SORBS2: variants seen among roughly 807,000 people sequenced by gnomAD.
SORBS2 encodes sorbin and SH3 domain-containing protein 2.
A neutral mutation model predicts 97.7 loss-of-function variants in SORBS2; 46 were observed. The observed-to-expected ratio is 0.47, with a 90% CI of 0.37 to 0.60. SORBS2 has a LOEUF of 0.60. Among genes scored for constraint, SORBS2 ranks in the 20% least tolerant of loss-of-function variants. The probability of loss-of-function intolerance (pLI) is 0.00; values close to 1 mark genes in which losing one functional copy is unlikely to be tolerated. For synonymous variants in SORBS2, 476 were observed against 473.4 expected (o/e 1.01, Z -0.07); for missense variants, 1,316 against 1,282.3 (o/e 1.03, Z -0.40).
chr4:185,623,460 G>A lies in SORBS2; in HGVS notation c.1669C>T (p.Leu557Phe), dbSNP rs746732512. The A allele has an allele frequency of 3.1e-6, 5 of 1,612,594 alleles. No individual in the cohort carries two copies. The South Asian group carries it at 5.5e-5, about 18-fold the overall frequency. Residue 557 changes from leucine (L) to phenylalanine (F), a missense_variant, in exon 7 of 15, where the codon CTC becomes TTC. Coordinates refer to ENST00000418609, the Ensembl canonical transcript of SORBS2. This position sits in a 1 kb window ranked among gnomAD's most constrained non-coding sequence, Gnocchi z 6.4. ...CACCTGCCTTTGCAGGAGCTGATGA[G>A]GTGGCGGTGGTGGTGGTGGTGGTGA...
At chr4:185,815,643 A>T (rs2099192862) in intron 1 of SORBS2, among the ~76,000 whole-genome samples, 1 of 152,082 alleles carries the variant, frequency 6.6e-6, no homozygotes, top group South Asian at 2.1e-4. Context: ...CTCTAATAGT[A>T]TACGCACACA....
At chr4:185,672,368 C>T (rs2097725829) in intron 4 of SORBS2, among the ~76,000 whole-genome samples, 1 of 152,226 alleles carries the variant, frequency 6.6e-6, no homozygotes. Flanking sequence ...GCTTATCTTC[C>T]TGAAGCAAGG....
intron 1 of SORBS2, among the ~76,000 whole-genome samples, chr4:185,925,041 C>G (rs550282157): frequency 1.7e-4 from 26 of 152,266 alleles, no homozygotes; most frequent in Non-Finnish European, 3.2e-4. Flanking sequence ...CATATTCAAG[C>G]CAAAAAGTTG....
At chr4:185,864,993 GGACAGCA>G (rs1272903346) in intron 1 of SORBS2, among the ~76,000 whole-genome samples, 3 of 152,072 alleles carry the variant, frequency 2.0e-5, no homozygotes, top group Admixed American at 2.0e-4. Context: ...CGGGAGGGGC[GGACAGCA>G]GAAGAGGAGG....
chr4:185,724,139 A>C (rs775009985), intron 2 of SORBS2, among the ~76,000 whole-genome samples: 1 of 152,196 alleles, frequency 6.6e-6, no homozygotes, highest in Non-Finnish European at 1.5e-5. Context: ...CAATAAAAGA[A>C]GCTTAGTATG....
chr4:185,885,199 C>G (rs1031989360), intron 1 of SORBS2, among the ~76,000 whole-genome samples: 3 of 152,292 alleles, frequency 2.0e-5, no homozygotes, highest in Non-Finnish European at 4.4e-5. Flanking sequence ...CTTTGTAGCC[C>G]TCTGATGGCT....
Position 185,623,045 on chromosome 4 carries a change from G to C in SORBS2, c.2084C>G (p.Pro695Arg). ...TGGACAATGAATAGCACCATCGGGA[G>C]GCAGTGGGTGGAGAGGCTGGTGCAG... is the stretch of plus-strand genomic sequence containing the variant. Residue 695 changes from proline to arginine, a missense_variant, in exon 7 of 15, where the codon CCT becomes CGT. Transcript: ENST00000418609. This position sits in a 1 kb window ranked among gnomAD's most constrained non-coding sequence, Gnocchi z 6.4. 6.2e-7 allele frequency: 1 copy of C among 1,614,218 alleles called. No individual in the cohort carries two copies. Among genetic ancestry groups the C allele is most frequent in the Non-Finnish European group, 8.5e-7 (1 of 1,180,042 alleles).
chr4:185,682,035 A>G (rs2097877650), intron 2 of SORBS2, among the ~76,000 whole-genome samples: 1 of 152,232 alleles, frequency 6.6e-6, no homozygotes, highest in Non-Finnish European at 1.5e-5. Context: ...ATTCAGGTCA[A>G]CTAATTGAGT....
At chr4:185,823,888 C>T (rs531868167) in intron 1 of SORBS2, among the ~76,000 whole-genome samples, 1 of 152,236 alleles carries the variant, frequency 6.6e-6, no homozygotes, top group African/African-American at 2.4e-5. Flanking sequence ...AGCAGAGAAG[C>T]CCGCTGATTG....
intron 1 of SORBS2, chr4:185,656,552 A>G: frequency 8.0e-7 from 1 of 1,249,842 alleles, no homozygotes; most frequent in Non-Finnish European, 1.1e-6. Flanking sequence ...CCCCAGCTTT[A>G]CATGGGTCTT....
At chr4:185,854,567 A>G (rs1332014508) in intron 1 of SORBS2, among the ~76,000 whole-genome samples, 1 of 152,216 alleles carries the variant, frequency 6.6e-6, no homozygotes, top group South Asian at 2.1e-4. Context: ...TTGTCAAAAG[A>G]TGACAAAGCG....
chr4:185,901,263 GCA>G (rs2099247597), intron 1 of SORBS2, among the ~76,000 whole-genome samples: 1 of 152,010 alleles, frequency 6.6e-6, no homozygotes, highest in Non-Finnish European at 1.5e-5. Context: ...GAGTGCAATG[GCA>G]CAATCTCGGC....
chr4:185,729,977 G>A (rs1213986723), intron 2 of SORBS2, among the ~76,000 whole-genome samples: 3 of 151,760 alleles, frequency 2.0e-5, no homozygotes, highest in East Asian at 3.9e-4. Flanking sequence ...TTTTGAGATG[G>A]AGTCTTGCTC....
intron 1 of SORBS2, among the ~76,000 whole-genome samples, chr4:185,929,163 C>A (rs1197571076): frequency 6.6e-6 from 1 of 152,204 alleles, no homozygotes; most frequent in Non-Finnish European, 1.5e-5. Context: ...ACACAAGAAT[C>A]CTATGACGAG....
intron 2 of SORBS2, among the ~76,000 whole-genome samples, chr4:185,760,698 G>A (rs1263874242): frequency 2.0e-5 from 3 of 152,220 alleles, no homozygotes; most frequent in Admixed American, 6.5e-5. Flanking sequence ...AAAAAAGCTC[G>A]GCTGCCTTTC....
intron 1 of SORBS2, among the ~76,000 whole-genome samples, chr4:185,938,644 G>A (rs57364954): frequency 0.15 from 22,452 of 151,072 alleles, 2,308 homozygotes; most frequent in East Asian, 0.57. Flanking sequence ...ACTTATCCTA[G>A]TATCTACACT....
chr4:185,697,632 T>G (rs534967244), intron 2 of SORBS2, among the ~76,000 whole-genome samples: 2 of 152,306 alleles, frequency 1.3e-5, no homozygotes, highest in African/African-American at 4.8e-5. Flanking sequence ...TCTTTCCCTT[T>G]GACAGCTGAT....
At chr4:185,827,672 C>T (rs201345283) in intron 1 of SORBS2, among the ~76,000 whole-genome samples, 1 of 342 alleles carries the variant, frequency 2.9e-3, no homozygotes, top group Non-Finnish European at 6.3e-3. Context: ...ATCATCACCA[C>T]CATCATCATC....
chr4:185,821,283 C>T (rs996948582), intron 1 of SORBS2, among the ~76,000 whole-genome samples: 3 of 152,096 alleles, frequency 2.0e-5, no homozygotes, highest in African/African-American at 7.2e-5. Context: ...TGGAGTGGCA[C>T]AGAAGCCTGT....
Sources: allele counts gnomAD v4.1 joint callset (sites outside exome capture counted in the v4.1 genomes callset), GRCh38; gene constraint gnomAD v4.1.1; non-coding constraint Gnocchi (gnomAD v3.1); transcripts MANE v1.5; gene names NCBI Gene and HGNC (gene_info 2026-07-23, HGNC 2026-07-21).